The following HIVEP3 variants were observed in gnomAD, a reference collection of about 807,000 sequenced individuals.
The protein encoded by HIVEP3 is transcription factor HIVEP3.
HIVEP3 carries 49 observed loss-of-function variants against 152.8 expected under a neutral mutation model. The ratio of observed to expected loss-of-function variants is 0.32; its 90% confidence interval spans 0.26 to 0.41. The LOEUF (loss-of-function observed/expected upper bound fraction) is 0.41. Ranked by LOEUF, HIVEP3 falls within the 10% of genes least tolerant of loss-of-function variation. The pLI, the probability that HIVEP3 is intolerant of heterozygous loss-of-function variation, is 1.00. For synonymous variants in HIVEP3, 1,269 were observed against 1,289.0 expected (o/e 0.98, Z 0.33); for missense variants, 2,790 against 3,103.3 (o/e 0.90, Z 2.40).
intron 1 of HIVEP3, among the ~76,000 whole-genome samples, chr1:42,014,334 C>T (rs929893141): frequency 1.3e-5 from 2 of 151,712 alleles, no homozygotes; most frequent in African/African-American, 4.8e-5. Flanking sequence ...GGTGAGAGTT[C>T]GGGGAAAGGA....
chr1:41,749,404 T>TTGTGTGTGTGTGTGTATGTG (rs1647122248), intron 1 of HIVEP3, among the ~76,000 whole-genome samples: 1 of 140,678 alleles, frequency 7.1e-6, no homozygotes, highest in Non-Finnish European at 1.6e-5. Context: ...TTAGAAAAAA[T>TTGTGTGTGTGTGTGTATGTG]TGTGTGTGTG....
intron 1 of HIVEP3, among the ~76,000 whole-genome samples, chr1:41,717,576 AT>A (rs1406923414): frequency 6.6e-6 from 1 of 152,142 alleles, no homozygotes. Context: ...GGGCACAAGG[AT>A]TTCAGGCACG....
chr1:41,675,348 C>T (rs1488824028), intron 2 of HIVEP3, among the ~76,000 whole-genome samples: 4 of 152,106 alleles, frequency 2.6e-5, no homozygotes, highest in Admixed American at 2.6e-4. Context: ...ACACTCTGCT[C>T]GTACATCCCT....
At chr1:41,913,614 C>G (rs1644828967) in intron 1 of HIVEP3, among the ~76,000 whole-genome samples, 1 of 152,176 alleles carries the variant, frequency 6.6e-6, no homozygotes, top group African/African-American at 2.4e-5. Flanking sequence ...CCAGGCTGAT[C>G]TCAAACTCCT....
At chr1:41,995,231 C>A (rs1325160736) in intron 1 of HIVEP3, among the ~76,000 whole-genome samples, 1 of 151,950 alleles carries the variant, frequency 6.6e-6, no homozygotes. Flanking sequence ...AGTGAAACTT[C>A]ACAGAATTAT....
At chr1:41,933,129 G>A (rs1645003525) in intron 1 of HIVEP3, among the ~76,000 whole-genome samples, 1 of 151,996 alleles carries the variant, frequency 6.6e-6, no homozygotes, top group African/African-American at 2.4e-5. Flanking sequence ...GTGCACTTTA[G>A]AAAGAAGTGT....
intron 1 of HIVEP3, among the ~76,000 whole-genome samples, chr1:42,016,107 G>A (rs1645520876): frequency 1.3e-5 from 2 of 152,208 alleles, no homozygotes; most frequent in Admixed American, 6.5e-5. Flanking sequence ...GAGGAGGCAA[G>A]CATCCCATTT....
At chr1:41,617,026 AC>A (rs1189154111) in intron 3 of HIVEP3, among the ~76,000 whole-genome samples, 1 of 152,064 alleles carries the variant, frequency 6.6e-6, no homozygotes, top group Non-Finnish European at 1.5e-5. Flanking sequence ...CCGGATTTGA[AC>A]CCTGGCTGTC....
rs1005152761 is a variant in HIVEP3, at chr1:41,509,563, G to C, written c.*888C>G. 1 of 152,180 alleles carries C rather than the reference G, an allele frequency of 6.6e-6. No homozygotes were observed. Among genetic ancestry groups the C allele is most frequent in the Non-Finnish European group, 1.5e-5 (1 of 68,066 alleles). The allele number at this position is 152,180 out of a possible 1,614,324, so 9.4% of individuals were successfully genotyped here. ...GGAGGCAACAGGAGAGTGAGGCCTCGGTCAGGGGCTTGGGAGCCAGGGACG... is the reference window on the plus strand; with the variant it reads ...GGAGGCAACAGGAGAGTGAGGCCTCCGTCAGGGGCTTGGGAGCCAGGGACG... On this transcript the variant is annotated 3_prime_UTR_variant, in exon 9 of 9. Coordinates refer to ENST00000372583, the MANE Select transcript of HIVEP3 (RefSeq NM_024503.5).
intron 1 of HIVEP3, among the ~76,000 whole-genome samples, chr1:41,794,632 T>C (rs1649883743): frequency 6.6e-6 from 1 of 152,222 alleles, no homozygotes; most frequent in South Asian, 2.1e-4. Context: ...TGGTTTTTAT[T>C]TTTAAAAACT....
intron 2 of HIVEP3, among the ~76,000 whole-genome samples, chr1:41,648,515 G>A (rs1374442210): frequency 2.6e-5 from 4 of 152,230 alleles, no homozygotes; most frequent in Non-Finnish European, 4.4e-5. Context: ...AGGAGACACA[G>A]AGATGATCAA....
chr1:41,898,693 G>T (rs1380856906), intron 1 of HIVEP3, among the ~76,000 whole-genome samples: 1 of 152,228 alleles, frequency 6.6e-6, no homozygotes, highest in Non-Finnish European at 1.5e-5. Context: ...TCAGCACAGA[G>T]TCATCCTCTG....
intron 1 of HIVEP3, among the ~76,000 whole-genome samples, chr1:41,769,428 C>T (rs1648213176): frequency 6.6e-6 from 1 of 152,176 alleles, no homozygotes. Context: ...TGGAAGAAAT[C>T]TAGGGCACAT....
Position 41,579,828 on chromosome 1 carries a change from A to T in HIVEP3, c.4970T>A (p.Val1657Glu), listed in dbSNP as rs1569982779. The T allele has an allele frequency of 6.2e-7, 1 of 1,613,942 alleles. No individual in the cohort carries two copies. The highest frequency in any genetic ancestry group is 2.2e-5 in the East Asian group (1 of 44,872). ...ALSLLRSKQKVSKETYTMATA... is the reference protein window; with the variant it reads ...ALSLLRSKQKESKETYTMATA... ...GGCCATGGTGTATGTCTCTTTGCTC[A>T]CTTTCTGCTTAGACCTCAGGAGGGA... is the stretch of plus-strand genomic sequence containing the variant. The change falls in exon 4 of 9, where the codon GTG becomes GAG. Residue 1657 changes from valine to glutamate, a missense_variant. Around this residue, in one of 9 missense-constraint regions of HIVEP3, gnomAD observed 1,078 missense variants for 1,165.3 expected, o/e 0.93. Coordinates refer to ENST00000372583, the MANE Select transcript of HIVEP3 (RefSeq NM_024503.5).
chr1:41,540,269 T>C (rs1056693922), intron 5 of HIVEP3, among the ~76,000 whole-genome samples: 133 of 152,336 alleles, frequency 8.7e-4, no homozygotes, highest in African/African-American at 3.1e-3. Flanking sequence ...AACACACATA[T>C]GCTGAGGTAC....
chr1:41,603,522 T>A (rs1407962901), intron 3 of HIVEP3, among the ~76,000 whole-genome samples: 1 of 151,712 alleles, frequency 6.6e-6, no homozygotes, highest in African/African-American at 2.4e-5. Context: ...ACCATGCCCA[T>A]CTAATTTTTG....
chr1:41,899,283 T>C (rs1414538640), intron 1 of HIVEP3, among the ~76,000 whole-genome samples: 1 of 152,216 alleles, frequency 6.6e-6, no homozygotes, highest in African/African-American at 2.4e-5. Flanking sequence ...GTGTCTCTTG[T>C]CTATTTAATG....
chr1:41,952,195 A>G (rs1645112524), intron 1 of HIVEP3, among the ~76,000 whole-genome samples: 1 of 152,204 alleles, frequency 6.6e-6, no homozygotes, highest in African/African-American at 2.4e-5. Flanking sequence ...TTATCAATTT[A>G]ACCCCTAAGT....
chr1:41,875,526 T>TCC (rs1300392920), intron 1 of HIVEP3, among the ~76,000 whole-genome samples: 1 of 152,242 alleles, frequency 6.6e-6, no homozygotes, highest in Non-Finnish European at 1.5e-5. Context: ...CTCAATGGTT[T>TCC]CCTCTGGCAT....
Sources: gnomAD v4.1 joint callset for allele counts (sites outside exome capture counted in the v4.1 genomes callset) on GRCh38, gnomAD v4.1.1 for gene constraint, gnomAD v4.1.1 regional missense constraint, MANE v1.5 for transcripts, NCBI Gene and HGNC (gene_info 2026-07-23, HGNC 2026-07-21) for gene names.